Variants in PSMD7 observed in about 807,000 individuals in gnomAD.
The protein encoded by PSMD7 is proteasome 26S subunit, non-ATPase 7.
In PSMD7, 13 loss-of-function variants were observed where a neutral mutation model predicts 36.4. The ratio of observed to expected loss-of-function variants is 0.36; its 90% CI spans 0.23 to 0.57. The LOEUF (loss-of-function observed/expected upper bound fraction) is 0.57, where lower values mean the gene tolerates loss of function less well. Ranked by LOEUF, PSMD7 falls within the 20% of genes least tolerant of loss-of-function variation. The probability of loss-of-function intolerance (pLI) is 0.83; values close to 1 mark genes in which losing one functional copy is unlikely to be tolerated. For synonymous variants in PSMD7, 186 were observed against 151.0 expected, an observed-to-expected ratio of 1.23 and a Z score of -1.70; for missense variants, 298 against 393.6, an observed-to-expected ratio of 0.76 and a Z score of 2.06.
At chr16:74,300,948 T>G in intron 2 of PSMD7, 104 bp from the exon 3 acceptor site, 1 of 582,816 alleles carries the variant, frequency 1.7e-6, no homozygotes, top group Non-Finnish European at 2.9e-6. Flanking sequence ...GCTGGGCAAG[T>G]GAAACACGTA....
In PSMD7 at chr16:74,296,821, G is replaced by C; in HGVS notation, c.-94G>C. ...CGCGAGGGCTGACGAACCGGAAGAA[G>C]AGGAACTGGGCCTGAAAGGGTACCG... is the stretch of plus-strand genomic sequence containing the variant. On this transcript the variant is annotated 5_prime_UTR_variant, in exon 1 of 7. Transcript: ENST00000219313. 1 of 1,361,928 alleles carries C rather than the reference G, an allele frequency of 7.3e-7. No homozygotes were observed. The highest frequency in any genetic ancestry group is 1.0e-6 in the Non-Finnish European group (1 of 969,960). 84.4% of individuals were successfully genotyped at this position (1,361,928 alleles called of 1,614,324 possible). A position where few individuals can be genotyped will look rare whatever the true frequency, so the allele number is the denominator to read the frequency against.
chr16:74,301,787 G>A (rs1323004103), intron 4 of PSMD7, 135 bp downstream of exon 4: 28 of 678,504 alleles, frequency 4.1e-5, no homozygotes, highest in Non-Finnish European at 6.1e-5. Context: ...GATTTGTAGT[G>A]CTCTGTGAAG....
At chr16:74,301,516 A>G (rs1184213072) in intron 3 of PSMD7, 39 bp from the exon 4 acceptor site, 15 of 1,447,374 alleles carry the variant, frequency 1.0e-5, no homozygotes, top group Non-Finnish European at 1.4e-5. Context: ...ATAGATCTTC[A>G]TGAAATAGTT....
At chr16:74,304,617 A>AT (rs999152720) in intron 6 of PSMD7, 1 of 435,864 alleles carries the variant, frequency 2.3e-6, no homozygotes, top group Non-Finnish European at 4.2e-6. Flanking sequence ...TTGAGTTACA[A>AT]TTTATGACTT....
intron 1 of PSMD7, among the ~76,000 whole-genome samples, chr16:74,297,741 T>G (rs1405735166): frequency 6.6e-6 from 1 of 151,140 alleles, no homozygotes; most frequent in Non-Finnish European, 1.5e-5. Flanking sequence ...TGATGCAAAG[T>G]GAATGATGCC....
At chr16:74,302,108 A>T in intron 4 of PSMD7, 104 bp from the exon 5 acceptor site, 1 of 917,314 alleles carries the variant, frequency 1.1e-6, no homozygotes, top group Non-Finnish European at 1.7e-6. Context: ...GTTCATTTCT[A>T]ATTGATTACA....
chr16:74,300,127 T>G lies in PSMD7; in HGVS notation c.87T>G (p.Val29=). ...TTTTCTCATTCAGAATCGGCAAGGT[T>G]GGAAACCAGAAGCGTGTTGTTGGTG... ...VVDHFNRIGK[V]GNQKRVVGVL... is the part of the protein sequence containing the mutation. The change falls in exon 2 of 7, where the codon GTT becomes GTG. Residue 29 remains valine, a synonymous_variant. Coordinates refer to ENST00000219313, the MANE Select transcript of PSMD7 (RefSeq NM_002811.5). 2 of 1,614,150 alleles carry G rather than the reference T, an allele frequency of 1.2e-6. No homozygotes were observed. Among genetic ancestry groups the G allele is most frequent in the South Asian group, 2.2e-5 (2 of 91,082 alleles).
chr16:74,304,144 G>A, intron 5 of PSMD7, 159 bp from the exon 6 acceptor site: 6 of 616,852 alleles, frequency 9.7e-6, no homozygotes, highest in Middle Eastern at 5.8e-4. Flanking sequence ...TGAAGGCTAA[G>A]CTTTCAAAGT....
At position 74,302,308 on chromosome 16, in the gene PSMD7, A is replaced by T; in HGVS notation, c.438+16A>T. On this transcript the variant is annotated intron_variant, in intron 5 of 6. Transcript: ENST00000219313. ...AGTCCATGATGTAAGTCATCTTGCTATGAACCTGGGAGGTTAGACTGCTAC... is the reference window on the plus strand; with the variant it reads ...AGTCCATGATGTAAGTCATCTTGCTTTGAACCTGGGAGGTTAGACTGCTAC... The T allele has an allele frequency of 6.2e-7, 1 of 1,609,196 alleles. No homozygotes were observed. Among genetic ancestry groups the T allele is most frequent in the Non-Finnish European group, 8.5e-7 (1 of 1,176,098 alleles).
chr16:74,305,239 A>G (rs1555526230), intron 6 of PSMD7, 50 bp from the exon 7 acceptor site: 4 of 1,544,906 alleles, frequency 2.6e-6, no homozygotes, highest in Middle Eastern at 1.7e-4. Flanking sequence ...GCCTGATAAC[A>G]TGGTACCCTG....
chr16:74,301,107 T>C lies in PSMD7; in HGVS notation c.222T>C (p.Tyr74=), dbSNP rs765299100. Residue 74 remains tyrosine (Y), a synonymous_variant, in exon 3 of 7, where the codon TAT becomes TAC. Coordinates refer to ENST00000219313, the MANE Select transcript of PSMD7 (RefSeq NM_002811.5). The part of the protein sequence containing the change: ...DDSVWFLDHD[Y]LENMYGMFKK... ...CTGTATGGTTTTTAGACCATGATTA[T>C]TTGGAAAACATGTATGGAATGTTTA... The C allele has an allele frequency of 2.0e-5, 33 of 1,612,392 alleles. No homozygotes were observed. The highest frequency in any genetic ancestry group is 2.6e-5 in the Non-Finnish European group (31 of 1,178,786).
chr16:74,302,151 C>T, intron 4 of PSMD7, 61 bp from the exon 5 acceptor site: 1 of 1,335,376 alleles, frequency 7.5e-7, no homozygotes. Flanking sequence ...AGAAGAATGC[C>T]TGAAATTACC....
At chr16:74,305,104 T>A (rs1056166445) in intron 6 of PSMD7, 185 bp from the exon 7 acceptor site, 3 of 763,060 alleles carry the variant, frequency 3.9e-6, no homozygotes, top group Non-Finnish European at 5.9e-6. Context: ...TAAAATGTGT[T>A]CCAAATGATA....
chr16:74,299,967 C>T, intron 1 of PSMD7, 148 bp from the exon 2 acceptor site: 1 of 708,322 alleles, frequency 1.4e-6, no homozygotes, highest in Non-Finnish European at 2.4e-6. Flanking sequence ...TAATATCAAC[C>T]TAACCCTATT....
chr16:74,304,503 C>T, intron 6 of PSMD7, 109 bp downstream of exon 6: 1 of 891,166 alleles, frequency 1.1e-6, no homozygotes, highest in Non-Finnish European at 1.8e-6. Context: ...TCCTGGCCGT[C>T]CACTAACAAG....
intron 2 of PSMD7, 24 bp downstream of exon 2, chr16:74,300,230 T>C (rs931164695): frequency 6.3e-7 from 1 of 1,582,638 alleles, no homozygotes; most frequent in African/African-American, 1.3e-5. Flanking sequence ...TTTATGTTTT[T>C]CCGAGCATGA....
intron 5 of PSMD7, among the ~76,000 whole-genome samples, chr16:74,302,764 T>C (rs117676711): frequency 0.016 from 2,481 of 152,306 alleles, 40 homozygotes; most frequent in Non-Finnish European, 0.02. Context: ...GAAATCCAAA[T>C]TCCCCTTTTA....
chr16:74,305,226 C>T, intron 6 of PSMD7, 63 bp from the exon 7 acceptor site: 8 of 1,498,178 alleles, frequency 5.3e-6, no homozygotes, highest in Admixed American at 2.2e-5. Flanking sequence ...AATGTAAGAA[C>T]TTGCCTGATA....
At chr16:74,297,391 G>T (rs1321460322) in intron 1 of PSMD7, among the ~76,000 whole-genome samples, 1 of 151,544 alleles carries the variant, frequency 6.6e-6, no homozygotes, top group Non-Finnish European at 1.5e-5. Context: ...CCGAAATCTG[G>T]ATAAAGCCAG....
Sources: allele counts gnomAD v4.1 joint callset (sites outside exome capture counted in the v4.1 genomes callset), GRCh38; gene constraint gnomAD v4.1.1; transcripts MANE v1.5; gene names NCBI Gene and HGNC (gene_info 2026-07-23, HGNC 2026-07-21).